The following BTN3A3 variants were observed in gnomAD, a reference collection of about 807,000 sequenced individuals.
The protein encoded by BTN3A3 is butyrophilin subfamily 3 member A3.
BTN3A3 carries 39 observed loss-of-function variants against 43.2 expected under a neutral mutation model. The observed-to-expected ratio is 0.90, with a 90% CI of 0.70 to 1.18. The LOEUF (loss-of-function observed/expected upper bound fraction) is 1.18, where lower values mean the gene tolerates loss of function less well. Among genes scored for constraint, BTN3A3 ranks in the 50% most tolerant of loss-of-function variants. The pLI is 0.00. For missense variants in BTN3A3, 631 were observed against 722.8 expected (o/e 0.87, Z 1.46); for synonymous variants, 255 against 272.7 (o/e 0.93, Z 0.64).
chr6:26,448,496 G>A (rs771164854), intron 6 of BTN3A3, 48 bp downstream of exon 6: 1 of 1,608,360 alleles, frequency 6.2e-7, no homozygotes, highest in South Asian at 1.1e-5. Context: ...GCATGCCCCA[G>A]CCTGAAGATC....
rs553279861 is a variant in BTN3A3 at position 26,443,552 on chromosome 6, G to A, written c.-5-18G>A. The A allele has an allele frequency of 1.2e-6, 2 of 1,613,318 alleles. No individual in the cohort carries two copies. The highest frequency in any genetic ancestry group is 2.2e-5 in the South Asian group (2 of 91,038). ...CATAGTGTCTGTCCCACACCTTCTGGTATCTCTTGATATGCAGCATAGATG... is the reference window on the plus strand; with the variant it reads ...CATAGTGTCTGTCCCACACCTTCTGATATCTCTTGATATGCAGCATAGATG... On this transcript the variant is annotated intron_variant, in intron 2 of 10. Coordinates refer to ENST00000244519, the MANE Select transcript of BTN3A3 (RefSeq NM_006994.5).
rs1249674438 is a variant in BTN3A3, at chr6:26,453,225, C to CA, written c.*815dup. 2.0e-5 allele frequency: 3 copies of CA among 152,180 alleles called. No individual in the cohort carries two copies. The highest frequency in any genetic ancestry group is 7.2e-5 in the African/African-American group (3 of 41,422). The allele number at this position is 152,180 out of a possible 1,614,324, so 9.4% of individuals were successfully genotyped here. A position where few individuals can be genotyped will look rare whatever the true frequency, so the allele number is the denominator to read the frequency against. ...GATGTTTTTAATCCCACTATGGACT[C>CA]AGTCTCCTGGAAATAGGTCTGTCCA... On this transcript the variant is annotated 3_prime_UTR_variant, in exon 11 of 11. Coordinates refer to ENST00000244519, the MANE Select transcript of BTN3A3 (RefSeq NM_006994.5).
intron 4 of BTN3A3, chr6:26,444,590 T>C (rs2113835187): frequency 1.8e-6 from 1 of 562,426 alleles, no homozygotes; most frequent in South Asian, 2.0e-5. Flanking sequence ...ATCATCTCTT[T>C]AGTGACTGGT....
Position 26,444,216 on chromosome 6 carries a change from C to T in BTN3A3, c.345C>T (p.Asn115=), listed in dbSNP as rs759288135. Residue 115 remains asparagine, a synonymous_variant, in exon 4 of 11, where the codon AAC becomes AAT. Coordinates refer to ENST00000244519, the MANE Select transcript of BTN3A3 (RefSeq NM_006994.5). ...GGAAGGCTGCTCTCCGAATACACAA[C>T]GTCACAGCCTCTGACAGTGGAAAGT... is the stretch of plus-strand genomic sequence containing the variant. ...TAGKAALRIH[N]VTASDSGKYL... 41 of 1,611,898 alleles carry T rather than the reference C, an allele frequency of 2.5e-5. No individual in the cohort carries two copies. The African/African-American group carries it at 3.1e-4, about 12-fold the overall frequency.
intron 9 of BTN3A3, 119 bp downstream of exon 9, chr6:26,449,807 T>C (rs936185960): frequency 7.6e-7 from 1 of 1,312,082 alleles, no homozygotes; most frequent in African/African-American, 1.5e-5. Context: ...ACCCTTAGAC[T>C]CAATTTTGCA....
chr6:26,445,498 G>A (rs1762751800), intron 4 of BTN3A3: 2 of 613,454 alleles, frequency 3.3e-6, no homozygotes, highest in South Asian at 2.1e-5. Context: ...TGGTAATTGG[G>A]GTGGATGGGA....
rs1277653497 is a variant in BTN3A3, at chr6:26,445,904, G to A, written c.634G>A (p.Gly212Ser). 1 of 1,614,072 alleles carries A rather than the reference G, an allele frequency of 6.2e-7. No homozygotes were observed. The highest frequency in any genetic ancestry group is 1.3e-5 in the African/African-American group (1 of 74,912). Residue 212 changes from glycine (G) to serine (S), a missense_variant, in exon 5 of 11, where the codon GGC becomes AGC. Around this residue, in one of 2 missense-constraint regions of BTN3A3, gnomAD observed 551 missense variants for 584.0 expected, o/e 0.94. Coordinates refer to ENST00000244519, the MANE Select transcript of BTN3A3 (RefSeq NM_006994.5). Reference sequence around the variant, plus strand: ...AGTAGCAGCATCTGTGATCATGAGAGGCAGCTCTGGTGGGGGTGTATCCTG... The same window carrying A: ...AGTAGCAGCATCTGTGATCATGAGAAGCAGCTCTGGTGGGGGTGTATCCTG... ...YAVAASVIMRGSSGGGVSCII... is the reference protein window; with the variant it reads ...YAVAASVIMRSSSGGGVSCII...
chr6:26,444,810 G>A, intron 4 of BTN3A3: 1 of 225,438 alleles, frequency 4.4e-6, no homozygotes, highest in Non-Finnish European at 8.9e-6. Flanking sequence ...GAGCTGTGGC[G>A]AGGTCTCAGT....
rs757615687 is a variant in BTN3A3, at chr6:26,444,100, A to T, written c.229A>T (p.Asn77Tyr). The T allele has an allele frequency of 3.1e-6, 5 of 1,613,852 alleles. No individual in the cohort carries two copies. Among genetic ancestry groups the T allele is most frequent in the Non-Finnish European group, 4.2e-6 (5 of 1,179,872 alleles). The change falls in exon 4 of 11, where the codon AAC (asparagine) becomes TAC (tyrosine). Residue 77 changes from asparagine to tyrosine, a missense_variant. Transcript: ENST00000244519. ...WVSSSLRQVV[N>Y]VYADGKEVED... ...GAGTTCCAGCCTAAGGCAGGTGGTG[A>T]ACGTGTATGCAGATGGAAAGGAAGT...
At position 26,448,388 on chromosome 6, in the gene BTN3A3, A is replaced by G. The variant is rs753212790; in HGVS notation, c.856A>G (p.Arg286Gly). 3.7e-6 allele frequency: 6 copies of G among 1,613,994 alleles called. No homozygotes were observed. Among genetic ancestry groups the G allele is most frequent in the Non-Finnish European group, 5.1e-6 (6 of 1,179,994 alleles). Residue 286 changes from arginine to glycine, a missense_variant, in exon 6 of 11, where the codon AGA (arginine) becomes GGA (glycine). Physicochemically the swap from Arg to Gly is moderately radical, Grantham distance 125. Around this residue, in one of 2 missense-constraint regions of BTN3A3, gnomAD observed 551 missense variants for 584.0 expected, o/e 0.94. Transcript: ENST00000244519. ...EKIALSRETEREREMKEMGYA... is the reference protein window; with the variant it reads ...EKIALSRETEGEREMKEMGYA... ...AATTGCTCTGTCCAGGGAGACAGAAAGAGAGCGAGAGATGAAAGAAATGGG... is the reference window on the plus strand; with the variant it reads ...AATTGCTCTGTCCAGGGAGACAGAAGGAGAGCGAGAGATGAAAGAAATGGG...
In BTN3A3 at chr6:26,448,282, G is replaced by A. The variant is rs750648131; in HGVS notation, c.750G>A (p.Ala250=). The A allele has an allele frequency of 1.7e-5, 27 of 1,613,592 alleles. No individual in the cohort carries two copies. Among genetic ancestry groups the A allele is most frequent in the Admixed American group, 1.0e-4 (6 of 59,936 alleles). Residue 250 remains alanine, a synonymous_variant, in exon 6 of 11, where the codon GCG becomes GCA. Coordinates refer to ENST00000244519, the MANE Select transcript of BTN3A3 (RefSeq NM_006994.5). Reference sequence around the variant, plus strand: ...TCAGGAGCGCCCAGCCCTGGATCGCGGCCCTGGCAGGGACCCTGCCTATCT... The same window carrying A: ...TCAGGAGCGCCCAGCCCTGGATCGCAGCCCTGGCAGGGACCCTGCCTATCT... ...PFFRSAQPWI[A]ALAGTLPISL...
Position 26,453,071 on chromosome 6 carries a change from C to G in BTN3A3, c.*660C>G, listed in dbSNP as rs1762969059. On this transcript the variant is annotated 3_prime_UTR_variant, in exon 11 of 11. Coordinates refer to ENST00000244519, the MANE Select transcript of BTN3A3 (RefSeq NM_006994.5). ...GGGGCACAGATATGTTCCCACCCAA[C>G]AAATGTGATAAGTGATTGTGCAGCC... 6.6e-6 allele frequency: 1 copy of G among 152,226 alleles called. No individual in the cohort carries two copies. The highest frequency in any genetic ancestry group is 2.4e-5 in the African/African-American group (1 of 41,444). The allele number at this position is 152,226 out of a possible 1,614,324, so 9.4% of individuals were successfully genotyped here.
chr6:26,443,193 C>T (rs1762686250), intron 1 of BTN3A3, among the ~76,000 whole-genome samples, 189 bp from the exon 2 acceptor site: 1 of 152,052 alleles, frequency 6.6e-6, no homozygotes, highest in South Asian at 2.1e-4. Flanking sequence ...TGTTGGACAC[C>T]CACAGAGCTG....
chr6:26,451,133 A>C (rs187835212), intron 10 of BTN3A3, among the ~76,000 whole-genome samples: 20 of 152,254 alleles, frequency 1.3e-4, no homozygotes, highest in Admixed American at 1.2e-3. Context: ...CAGCTATTAG[A>C]ACATCAGGAG....
chr6:26,445,649 G>T, intron 4 of BTN3A3, 55 bp from the exon 5 acceptor site: 1 of 1,572,016 alleles, frequency 6.4e-7, no homozygotes, highest in Non-Finnish European at 8.7e-7. Flanking sequence ...TTCCCATTGA[G>T]ACCCTCCCTG....
intron 1 of BTN3A3, among the ~76,000 whole-genome samples, chr6:26,442,080 G>A (rs565202542): frequency 2.6e-5 from 4 of 152,232 alleles, no homozygotes; most frequent in South Asian, 2.1e-4. Context: ...GAGGATGGCC[G>A]GCTGCACAGA....
chr6:26,444,644 G>T (rs1762726187), intron 4 of BTN3A3: 5 of 443,704 alleles, frequency 1.1e-5, no homozygotes, highest in South Asian at 6.7e-5. Context: ...GGCTTCTGTT[G>T]TGTCTCCAAG....
rs200631543 is a variant in BTN3A3 at position 26,448,412 on chromosome 6, G to A, written c.880G>A (p.Gly294Arg). 6.2e-7 allele frequency: 1 copy of A among 1,613,748 alleles called. No homozygotes were observed. Among genetic ancestry groups the A allele is most frequent in the Non-Finnish European group, 8.5e-7 (1 of 1,179,944 alleles). The stretch of plus-strand genomic sequence containing the variant: ...AAGAGAGCGAGAGATGAAAGAAATG[G>A]GATACGCTGCAACAGAGCAAGAAAT... ...TEREREMKEMGYAATEQEISL... is the reference protein window; with the variant it reads ...TEREREMKEMRYAATEQEISL... The change falls in exon 6 of 11, where the codon GGA (glycine) becomes AGA (arginine). Residue 294 changes from glycine to arginine, a missense_variant. Physicochemically the swap from Gly to Arg is moderately radical, Grantham distance 125 (BLOSUM62 -2). Around this residue, in one of 2 missense-constraint regions of BTN3A3, gnomAD observed 551 missense variants for 584.0 expected, o/e 0.94. Coordinates refer to ENST00000244519, the MANE Select transcript of BTN3A3 (RefSeq NM_006994.5).
rs140904550 is a variant in BTN3A3 at position 26,452,057 on chromosome 6, T to C, written c.1401T>C (p.Tyr467=). ...GGAAAGTGGGGATCTTCCTGGACTA[T>C]GAGACTGGAGAGATCTCGTTCTATA... The part of the protein sequence containing the change: ...PPRKVGIFLD[Y]ETGEISFYNA... The change falls in exon 11 of 11, where the codon TAT becomes TAC. Residue 467 remains tyrosine (Y), a synonymous_variant. Coordinates refer to ENST00000244519, the MANE Select transcript of BTN3A3 (RefSeq NM_006994.5). The C allele has an allele frequency of 4.7e-5, 76 of 1,614,046 alleles. No homozygotes were observed. The South Asian group carries it at 6.3e-4, about 13-fold the overall frequency.
Sources: gnomAD v4.1 joint callset for allele counts (sites outside exome capture counted in the v4.1 genomes callset) on GRCh38, gnomAD v4.1.1 for gene constraint, gnomAD v4.1.1 regional missense constraint, MANE v1.5 for transcripts, NCBI Gene and HGNC (gene_info 2026-07-23, HGNC 2026-07-21) for gene names.